Variants in ROCK1 observed in about 807,000 individuals in gnomAD.
ROCK1 encodes the protein rho-associated protein kinase 1.
Under a neutral mutation model 196.8 loss-of-function variants are expected in ROCK1, and 36 were observed. That is an observed-to-expected ratio of 0.18 (90% CI 0.14 to 0.24). The LOEUF (loss-of-function observed/expected upper bound fraction) is 0.24. Among genes scored for constraint, ROCK1 ranks in the 10% least tolerant of loss-of-function variants. ROCK1 has a pLI of 1.00. For synonymous variants in ROCK1, 443 were observed against 515.9 expected (o/e 0.86, Z 1.91); for missense variants, 920 against 1,562.0 (o/e 0.59, Z 6.93).
intron 1 of ROCK1, among the ~76,000 whole-genome samples, chr18:21,087,284 A>G (rs1330279757): frequency 1.3e-5 from 2 of 152,198 alleles, no homozygotes; most frequent in African/African-American, 2.4e-5. Flanking sequence ...AGGGAGGTAA[A>G]AACAGAAAAG....
chr18:21,007,304 C>T (rs114612502), intron 14 of ROCK1, among the ~76,000 whole-genome samples: 7,504 of 152,066 alleles, frequency 0.049, 623 homozygotes, highest in African/African-American at 0.17. Flanking sequence ...ACAAGCAATC[C>T]GTTTCTGTCA....
intron 5 of ROCK1, 99 bp downstream of exon 5, chr18:21,045,193 A>G: frequency 1.8e-6 from 2 of 1,095,412 alleles, no homozygotes; most frequent in Non-Finnish European, 2.5e-6. Flanking sequence ...CTTATGTCAT[A>G]CGGAAGAAGA....
chr18:21,089,261 T>A (rs2036551015), intron 1 of ROCK1, among the ~76,000 whole-genome samples: 1 of 152,164 alleles, frequency 6.6e-6, no homozygotes, highest in Admixed American at 6.5e-5. Context: ...GGTTTCACCA[T>A]GTTGGCCAGA....
At chr18:21,060,957 G>C (rs2036284651) in intron 2 of ROCK1, among the ~76,000 whole-genome samples, 1 of 151,850 alleles carries the variant, frequency 6.6e-6, no homozygotes, top group South Asian at 2.1e-4. Context: ...TTCAACAGAG[G>C]AATGAACAAA....
At chr18:20,974,127 T>C (rs1029577209) in intron 22 of ROCK1, among the ~76,000 whole-genome samples, 1 of 152,190 alleles carries the variant, frequency 6.6e-6, no homozygotes, top group Non-Finnish European at 1.5e-5. Context: ...CCCCAGTTTT[T>C]GTGATACTCT....
intron 28 of ROCK1, 35 bp downstream of exon 28, chr18:20,960,101 A>G: frequency 7.2e-7 from 1 of 1,383,870 alleles, no homozygotes. Context: ...ATATAGAACA[A>G]AATACCAGTT....
chr18:20,994,307 G>T (rs891071112), intron 16 of ROCK1, among the ~76,000 whole-genome samples: 33 of 152,266 alleles, frequency 2.2e-4, no homozygotes, highest in African/African-American at 7.5e-4. Context: ...GTGCTATTTA[G>T]AAATTATAAT....
intron 9 of ROCK1, among the ~76,000 whole-genome samples, chr18:21,029,198 C>G (rs2035985881): frequency 6.6e-6 from 1 of 152,040 alleles, no homozygotes; most frequent in African/African-American, 2.4e-5. Context: ...TATTACAAAT[C>G]AAGTATTACT....
intron 18 of ROCK1, 70 bp downstream of exon 18, chr18:20,991,106 G>A (rs923414788): frequency 7.1e-5 from 95 of 1,340,228 alleles, no homozygotes; most frequent in Non-Finnish European, 9.2e-5. Context: ...ACAAAATTTT[G>A]ACCAAAACCA....
At chr18:21,063,687 G>C (rs967466916) in intron 2 of ROCK1, among the ~76,000 whole-genome samples, 15 of 152,114 alleles carry the variant, frequency 9.9e-5, no homozygotes, top group African/African-American at 3.4e-4. Flanking sequence ...CAGCAACGTA[G>C]GTAACTGTAC....
At chr18:21,015,277 A>G (rs915302777) in intron 13 of ROCK1, among the ~76,000 whole-genome samples, 154 bp downstream of exon 13, 1 of 152,184 alleles carries the variant, frequency 6.6e-6, no homozygotes, top group Non-Finnish European at 1.5e-5. Flanking sequence ...GTACCACTTG[A>G]AACTGCAGTT....
intron 1 of ROCK1, among the ~76,000 whole-genome samples, chr18:21,088,002 A>C (rs2036541062): frequency 6.6e-6 from 1 of 152,240 alleles, no homozygotes; most frequent in South Asian, 2.1e-4. Context: ...AATAAATAAG[A>C]AAAAGATAGT....
intron 25 of ROCK1, 57 bp from the exon 26 acceptor site, chr18:20,967,997 A>C: frequency 2.3e-6 from 3 of 1,288,036 alleles, no homozygotes; most frequent in Non-Finnish European, 3.1e-6. Context: ...TAATACTAAA[A>C]TGTATTTTTT....
chr18:21,045,024 G>GTT (rs74173710), intron 5 of ROCK1: 87 of 153,172 alleles, frequency 5.7e-4, no homozygotes, highest in East Asian at 8.7e-4. Flanking sequence ...CCACACCTGT[G>GTT]TTTTTTTTTT....
chr18:21,050,350 A>G (rs2036193966), intron 2 of ROCK1, among the ~76,000 whole-genome samples: 1 of 152,072 alleles, frequency 6.6e-6, no homozygotes, highest in Non-Finnish European at 1.5e-5. Flanking sequence ...ACACTAAAAA[A>G]AAAAAAAACA....
rs71269004 is a variant in ROCK1 at position 21,033,854 on chromosome 18, TAAAAAAAAAAAAAA to T, written c.1052-4933_1052-4920del. 6.6e-4 allele frequency among the ~76,000 whole-genome samples: 22 copies of T among 33,464 alleles called. 1 individual carries two copies. The South Asian group carries it at 0.024, about 37-fold the overall frequency. The allele number at this position is 33,464 out of a possible 152,430, so 22.0% of individuals were successfully genotyped here. On this transcript the variant is annotated intron_variant, in intron 9 of 32. Transcript: ENST00000399799. Reference sequence around the variant, plus strand: ...TAACTCAGTGAAACCCCGTTTCTACTAAAAAAAAAAAAAAAAAAAAAAAAAAAAAATTAGCCGGG... The same window carrying T: ...TAACTCAGTGAAACCCCGTTTCTACTAAAAAAAAAAAAAAAATTAGCCGGG...
Position 21,049,091 on chromosome 18 carries a change from C to A in ROCK1, c.414+1G>T. On this transcript the variant is annotated splice_donor_variant, in intron 4 of 32. Transcript: ENST00000399799. LOFTEE classifies it high-confidence loss of function. ...ATAATGAAAGAGTAGCAAAGTCATA[C>A]CTGAACAACCCAAGGACTGTTGGCA... is the stretch of plus-strand genomic sequence containing the variant. 6.3e-7 allele frequency: 1 copy of A among 1,592,250 alleles called. No individual in the cohort carries two copies. Among genetic ancestry groups the A allele is most frequent in the South Asian group, 1.1e-5 (1 of 87,164 alleles).
chr18:21,080,238 A>G (rs2036471770), intron 1 of ROCK1, among the ~76,000 whole-genome samples: 1 of 152,324 alleles, frequency 6.6e-6, no homozygotes, highest in East Asian at 1.9e-4. Context: ...TAAAGAAACC[A>G]CAAGATATAC....
chr18:21,059,824 G>C (rs768640225), intron 2 of ROCK1, among the ~76,000 whole-genome samples: 17 of 152,110 alleles, frequency 1.1e-4, no homozygotes, highest in Non-Finnish European at 1.8e-4. Context: ...ACAAAATGTG[G>C]TATATCCATA....
Sources: allele counts gnomAD v4.1 joint callset (sites outside exome capture counted in the v4.1 genomes callset), GRCh38; gene constraint gnomAD v4.1.1; transcripts MANE v1.5; gene names NCBI Gene and HGNC (gene_info 2026-07-23, HGNC 2026-07-21).